NLGN1: variants seen among roughly 807,000 people sequenced by gnomAD.
NLGN1 encodes neuroligin 1.
In NLGN1, 12 loss-of-function variants were observed where a neutral mutation model predicts 65.5. The ratio of observed to expected loss-of-function variants is 0.18; its 90% confidence interval spans 0.12 to 0.30. NLGN1 has a LOEUF of 0.30. Among genes scored for constraint, NLGN1 ranks in the 10% least tolerant of loss-of-function variants. NLGN1 has a pLI of 1.00. For synonymous variants in NLGN1, 350 were observed against 359.5 expected (o/e 0.97, Z 0.30); for missense variants, 750 against 1,007.1 (o/e 0.74, Z 3.46).
chr3:174,060,110 T>A (rs1737067132), intron 4 of NLGN1, among the ~76,000 whole-genome samples: 2 of 152,100 alleles, frequency 1.3e-5, no homozygotes, highest in African/African-American at 4.8e-5. Flanking sequence ...TTACAAAAAA[T>A]TTGTATTTCT....
At chr3:173,648,877 A>G (rs1758699455) in intron 3 of NLGN1, among the ~76,000 whole-genome samples, 1 of 152,104 alleles carries the variant, frequency 6.6e-6, no homozygotes, top group South Asian at 2.1e-4. Flanking sequence ...GCTCAGCCCT[A>G]CTATAAGATC....
chr3:173,883,356 G>A (rs1248776726), intron 4 of NLGN1, among the ~76,000 whole-genome samples: 1 of 152,134 alleles, frequency 6.6e-6, no homozygotes, highest in Non-Finnish European at 1.5e-5. Context: ...GGTATAGTTT[G>A]CATTCTTATA....
chr3:174,217,870 C>T (rs1737919700), intron 4 of NLGN1, among the ~76,000 whole-genome samples: 1 of 151,892 alleles, frequency 6.6e-6, no homozygotes, highest in Non-Finnish European at 1.5e-5. Context: ...TGGAGGGAAG[C>T]ACCAAAAGAA....
At chr3:173,827,362 T>G (rs552585571) in intron 4 of NLGN1, among the ~76,000 whole-genome samples, 93 of 152,174 alleles carry the variant, frequency 6.1e-4, no homozygotes, top group Admixed American at 4.6e-4. Context: ...TTCTGTTATC[T>G]TAAGGCTGGG....
intron 3 of NLGN1, among the ~76,000 whole-genome samples, chr3:173,676,760 T>A (rs2149763940): frequency 6.6e-6 from 1 of 152,192 alleles, no homozygotes; most frequent in South Asian, 2.1e-4. Context: ...TCAGCATACC[T>A]CAAACAAAGC....
chr3:173,736,722 A>G (rs187175130), intron 3 of NLGN1, among the ~76,000 whole-genome samples: 262 of 152,208 alleles, frequency 1.7e-3, no homozygotes, highest in South Asian at 0.012. Context: ...GTAAACCATT[A>G]AAGTGTAAAA....
chr3:174,052,667 CTCTTA>C (rs1358411112), intron 4 of NLGN1, among the ~76,000 whole-genome samples: 4 of 151,998 alleles, frequency 2.6e-5, no homozygotes, highest in Admixed American at 6.6e-5. Flanking sequence ...TTTATTTAAA[CTCTTA>C]TCTTACTAGT....
exon 7 of NLGN1, chr3:174,284,448 AAAT>A (rs1751900589): frequency 6.6e-6 from 1 of 151,456 alleles, no homozygotes; most frequent in Non-Finnish European, 1.5e-5. Flanking sequence ...AACAAAATTA[AAAT>A]AATATTTTTG....
intron 4 of NLGN1, among the ~76,000 whole-genome samples, chr3:173,945,571 G>T (rs1286900345): frequency 6.6e-6 from 1 of 152,042 alleles, no homozygotes; most frequent in Non-Finnish European, 1.5e-5. Flanking sequence ...ATTTTCCCCT[G>T]TAAGAAATAT....
intron 3 of NLGN1, among the ~76,000 whole-genome samples, chr3:173,661,145 A>C (rs1232919736): frequency 6.6e-6 from 1 of 152,024 alleles, no homozygotes; most frequent in Non-Finnish European, 1.5e-5. Context: ...TGAAAGAAAT[A>C]TGTAGATGGA....
At chr3:173,537,777 A>G (rs1737699262) in intron 2 of NLGN1, among the ~76,000 whole-genome samples, 1 of 152,078 alleles carries the variant, frequency 6.6e-6, no homozygotes, top group Non-Finnish European at 1.5e-5. Context: ...CATTGACTTT[A>G]TGCACAGGAC....
At chr3:173,825,127 T>C (rs1270583366) in intron 4 of NLGN1, among the ~76,000 whole-genome samples, 1 of 152,134 alleles carries the variant, frequency 6.6e-6, no homozygotes, top group African/African-American at 2.4e-5. Context: ...TTAAGATTTC[T>C]ATTTTAAAAA....
chr3:173,873,187 G>A (rs1731495889), intron 4 of NLGN1, among the ~76,000 whole-genome samples: 1 of 151,008 alleles, frequency 6.6e-6, no homozygotes, highest in Non-Finnish European at 1.5e-5. Context: ...CTCCCAGATT[G>A]AAGTGATTCT....
chr3:174,018,064 G>T (rs1295307824), intron 4 of NLGN1, among the ~76,000 whole-genome samples: 1 of 151,924 alleles, frequency 6.6e-6, no homozygotes, highest in Non-Finnish European at 1.5e-5. Flanking sequence ...GCCTACCCCT[G>T]GGAACGCATT....
At chr3:173,485,075 G>A (rs1202851770) in intron 2 of NLGN1, among the ~76,000 whole-genome samples, 1 of 134,740 alleles carries the variant, frequency 7.4e-6, no homozygotes, top group East Asian at 2.4e-4. Flanking sequence ...ATTGTGGGAA[G>A]TAAGGAGGAG....
At chr3:174,159,364 G>A (rs1011606132) in intron 4 of NLGN1, among the ~76,000 whole-genome samples, 1 of 151,624 alleles carries the variant, frequency 6.6e-6, no homozygotes, top group Non-Finnish European at 1.5e-5. Flanking sequence ...ATCAATTTGT[G>A]GGCAATTTTT....
At chr3:174,289,081 G>A (rs1364989811), downstream of NLGN1, among the ~76,000 whole-genome samples, 2 of 151,206 alleles carry the variant, frequency 1.3e-5, no homozygotes, top group Non-Finnish European at 3.0e-5. Context: ...CTTCATCCAA[G>A]TCACTAACAA....
chr3:173,734,422 G>A (rs1388301610), intron 3 of NLGN1, among the ~76,000 whole-genome samples: 1 of 91,806 alleles, frequency 1.1e-5, no homozygotes, highest in African/African-American at 4.0e-5. Context: ...TTAGAAACAG[G>A]GTTTCACCCT....
intron 2 of NLGN1, among the ~76,000 whole-genome samples, chr3:173,491,903 G>T (rs1729231371): frequency 6.6e-6 from 1 of 151,612 alleles, no homozygotes; most frequent in Admixed American, 6.6e-5. Flanking sequence ...AATATCCTAT[G>T]CTATAACACC....
Sources: gnomAD v4.1 joint callset for allele counts (sites outside exome capture counted in the v4.1 genomes callset) on GRCh38, gnomAD v4.1.1 for gene constraint, MANE v1.5 for transcripts, NCBI Gene and HGNC (gene_info 2026-07-23, HGNC 2026-07-21) for gene names.